Variants in DDX39A observed in about 807,000 individuals in gnomAD.
DDX39A encodes the protein DExD-box helicase 39A.
In DDX39A, 13 loss-of-function variants were observed where a neutral mutation model predicts 46.3. The observed-to-expected ratio is 0.28, with a 90% CI of 0.18 to 0.45. The LOEUF (loss-of-function observed/expected upper bound fraction) is 0.45, where lower values mean the gene tolerates loss of function less well. Ranked by LOEUF, DDX39A falls within the 20% of genes least tolerant of loss-of-function variation. The probability of loss-of-function intolerance (pLI) is 1.00; values close to 1 mark genes in which losing one functional copy is unlikely to be tolerated. For synonymous variants in DDX39A, 234 were observed against 224.6 expected (o/e 1.04, Z -0.38); for missense variants, 352 against 581.8 (o/e 0.61, Z 4.06).
Position 14,410,797 on chromosome 19 carries a change from G to T in DDX39A, c.613+192C>A. On this transcript the variant is annotated intron_variant, in intron 5 of 10. Transcript: ENST00000242776. The surrounding 1 kb of genome is among the most constrained non-coding windows in gnomAD (Gnocchi z 4.3). The stretch of plus-strand genomic sequence containing the variant: ...GTCCAGGAGGGACGGGGGCTTGCTT[G>T]GGCCCCGTGGTCCCATTCGGCTCGG... The T allele has an allele frequency of 1.8e-6, 1 of 567,322 alleles. No individual in the cohort carries two copies. The highest frequency in any genetic ancestry group is 3.1e-6 in the Non-Finnish European group (1 of 326,452). The allele number at this position is 567,322 out of a possible 1,614,324, so 35.1% of individuals were successfully genotyped here. A position where few individuals can be genotyped will look rare whatever the true frequency, so the allele number is the denominator to read the frequency against.
chr19:14,418,816 T>C, intron 1 of DDX39A: 2 of 421,294 alleles, frequency 4.7e-6, no homozygotes, highest in South Asian at 3.3e-5. Flanking sequence ...CCGTAAAAAG[T>C]AGACCAAGAA....
At position 14,410,012 on chromosome 19, in the gene DDX39A, CA is replaced by C; in HGVS notation, c.733-140del. The C allele has an allele frequency of 8.2e-7, 1 of 1,222,054 alleles. No homozygotes were observed. The highest frequency in any genetic ancestry group is 2.3e-5 in the East Asian group (1 of 42,934). 75.7% of individuals were successfully genotyped at this position (1,222,054 alleles called of 1,614,324 possible). Reference sequence around the variant, plus strand: ...GCACCAGACCTCAGTAAACATCGCTCAAAAGCTGGATGTAAGCTCTGGCCCG... The same window carrying C: ...GCACCAGACCTCAGTAAACATCGCTCAAAGCTGGATGTAAGCTCTGGCCCG... On this transcript the variant is annotated intron_variant, in intron 6 of 10. Coordinates refer to ENST00000242776, the MANE Select transcript of DDX39A (RefSeq NM_005804.4). The surrounding 1 kb of genome is among the most constrained non-coding windows in gnomAD (Gnocchi z 4.3).
chr19:14,410,615 A>AGACAGC lies in DDX39A; in HGVS notation c.614-287_614-282dup, dbSNP rs1323235689. On this transcript the variant is annotated intron_variant, in intron 5 of 10. Coordinates refer to ENST00000242776, the MANE Select transcript of DDX39A (RefSeq NM_005804.4). This position sits in a 1 kb window ranked among gnomAD's most constrained non-coding sequence, Gnocchi z 4.3. Reference sequence around the variant, plus strand: ...CTTCAGGGAGGGGAGCCTGAGGCAGAGACAGCCGCTGGGGTGAGAGCTGCA... The same window carrying AGACAGC: ...CTTCAGGGAGGGGAGCCTGAGGCAGAGACAGCGACAGCCGCTGGGGTGAGAGCTGCA... 1.9e-6 allele frequency: 1 copy of AGACAGC among 528,944 alleles called. No individual in the cohort carries two copies. The highest frequency in any genetic ancestry group is 1.9e-5 in the African/African-American group (1 of 52,342). The allele number at this position is 528,944 out of a possible 1,614,324, so 32.8% of individuals were successfully genotyped here. A position where few individuals can be genotyped will look rare whatever the true frequency, so the allele number is the denominator to read the frequency against.
In DDX39A at chr19:14,409,715, C is replaced by T. The variant is rs776396984; in HGVS notation, c.864+27G>A. Reference sequence around the variant, plus strand: ...CAGTGACCTCCCGAAGGTCCTGAGCCCCAGGACAGGCTGATGGAAGTATCA... The same window carrying T: ...CAGTGACCTCCCGAAGGTCCTGAGCTCCAGGACAGGCTGATGGAAGTATCA... On this transcript the variant is annotated intron_variant, in intron 7 of 10. Transcript: ENST00000242776. The surrounding 1 kb of genome is among the most constrained non-coding windows in gnomAD (Gnocchi z 8.3). The T allele has an allele frequency of 6.2e-7, 1 of 1,613,648 alleles. No individual in the cohort carries two copies. Among genetic ancestry groups the T allele is most frequent in the Non-Finnish European group, 8.5e-7 (1 of 1,179,626 alleles).
chr19:14,418,144 AAGAG>A (rs1352813035), intron 1 of DDX39A, among the ~76,000 whole-genome samples: 2 of 148,688 alleles, frequency 1.3e-5, no homozygotes, highest in Non-Finnish European at 3.0e-5. Context: ...AAAAAAAAAA[AAGAG>A]AGAGAGAGAT....
In DDX39A at chr19:14,412,544, C is replaced by G; in HGVS notation, c.336+7G>C. On this transcript the variant is annotated splice_region_variant and intron_variant, in intron 3 of 10. Coordinates refer to ENST00000242776, the MANE Select transcript of DDX39A (RefSeq NM_005804.4). This position sits in a 1 kb window ranked among gnomAD's most constrained non-coding sequence, Gnocchi z 4.4. ...GGGTGGGGCCAGGAAGGGAGGAGCC[C>G]ACCCACCTGTCCGTTGACAGGCTCA... is the stretch of plus-strand genomic sequence containing the variant. 6.2e-7 allele frequency: 1 copy of G among 1,605,304 alleles called. No individual in the cohort carries two copies. Among genetic ancestry groups the G allele is most frequent in the Non-Finnish European group, 8.5e-7 (1 of 1,179,210 alleles).
rs1976953050 is a variant in DDX39A, at chr19:14,419,303, A to T, written c.-38T>A. On this transcript the variant is annotated 5_prime_UTR_variant, in exon 1 of 11. Transcript: ENST00000242776. ...CCGTTCTTCTCCGCGCGCTGCTAAG[A>T]GACACTTCCAACTTCGGTTTTCCGC... The T allele has an allele frequency of 4.1e-6, 1 of 244,002 alleles. No homozygotes were observed. Among genetic ancestry groups the T allele is most frequent in the South Asian group, 3.5e-5 (1 of 28,854 alleles). 15.1% of individuals were successfully genotyped at this position (244,002 alleles called of 1,614,324 possible).
At position 14,412,038 on chromosome 19, in the gene DDX39A, G is replaced by A. The variant is rs1364757448; in HGVS notation, c.337-440C>T. 3.3e-5 allele frequency among the ~76,000 whole-genome samples: 5 copies of A among 152,146 alleles called. No homozygotes were observed. Among genetic ancestry groups the A allele is most frequent in the African/African-American group, 9.7e-5 (4 of 41,422 alleles). On this transcript the variant is annotated intron_variant, in intron 3 of 10. Transcript: ENST00000242776. The surrounding 1 kb of genome is among the most constrained non-coding windows in gnomAD (Gnocchi z 4.4). Reference sequence around the variant, plus strand: ...ATGTGCTCTGAGATAACGAGGGCACGGGCGCCAATATGAAGCCCAAAGATG... The same window carrying A: ...ATGTGCTCTGAGATAACGAGGGCACAGGCGCCAATATGAAGCCCAAAGATG...
At position 14,419,049 on chromosome 19, in the gene DDX39A, G is replaced by A. The variant is rs1384051772; in HGVS notation, c.-5+221C>T. On this transcript the variant is annotated intron_variant, in intron 1 of 10. Coordinates refer to ENST00000242776, the MANE Select transcript of DDX39A (RefSeq NM_005804.4). ...ACAGCCCCTCCGAGAAGCGGGCCCC[G>A]AGCCCCGAGCACCGCGCGCCAACGG... 3 of 449,312 alleles carry A rather than the reference G, an allele frequency of 6.7e-6. No homozygotes were observed. In the East Asian group the frequency reaches 2.1e-4, roughly 32 times the overall value. The allele number at this position is 449,312 out of a possible 1,614,324, so 27.8% of individuals were successfully genotyped here.
Position 14,410,853 on chromosome 19 carries a change from G to T in DDX39A, c.613+136C>A. Reference sequence around the variant, plus strand: ...GAAACAGCACATCCCTCTGCCAGCAGCAGAGCTTTCCCCAAGATCACCACA... The same window carrying T: ...GAAACAGCACATCCCTCTGCCAGCATCAGAGCTTTCCCCAAGATCACCACA... On this transcript the variant is annotated intron_variant, in intron 5 of 10. Coordinates refer to ENST00000242776, the MANE Select transcript of DDX39A (RefSeq NM_005804.4). This position sits in a 1 kb window ranked among gnomAD's most constrained non-coding sequence, Gnocchi z 4.3. The T allele has an allele frequency of 1.2e-6, 1 of 821,640 alleles. No individual in the cohort carries two copies. The highest frequency in any genetic ancestry group is 1.8e-6 in the Non-Finnish European group (1 of 551,632). The allele number at this position is 821,640 out of a possible 1,614,324, so 50.9% of individuals were successfully genotyped here. A position where few individuals can be genotyped will look rare whatever the true frequency, so the allele number is the denominator to read the frequency against.
At chr19:14,417,166 G>A (rs1422131708) in intron 1 of DDX39A, among the ~76,000 whole-genome samples, 1 of 152,132 alleles carries the variant, frequency 6.6e-6, no homozygotes, top group Non-Finnish European at 1.5e-5. Context: ...GGGGCGTGAG[G>A]TAAGGAAAGA....
In DDX39A at chr19:14,410,875, C is replaced by A; in HGVS notation, c.613+114G>T. 3 of 1,000,826 alleles carry A rather than the reference C, an allele frequency of 3.0e-6. No individual in the cohort carries two copies. Among genetic ancestry groups the A allele is most frequent in the Non-Finnish European group, 4.2e-6 (3 of 708,754 alleles). 62.0% of individuals were successfully genotyped at this position (1,000,826 alleles called of 1,614,324 possible). A position where few individuals can be genotyped will look rare whatever the true frequency, so the allele number is the denominator to read the frequency against. Reference sequence around the variant, plus strand: ...GCAGCAGAGCTTTCCCCAAGATCACCACAGGAGCCCCGCCTGCCGGCCGCC... The same window carrying A: ...GCAGCAGAGCTTTCCCCAAGATCACAACAGGAGCCCCGCCTGCCGGCCGCC... On this transcript the variant is annotated intron_variant, in intron 5 of 10. Coordinates refer to ENST00000242776, the MANE Select transcript of DDX39A (RefSeq NM_005804.4). The surrounding 1 kb of genome is among the most constrained non-coding windows in gnomAD (Gnocchi z 4.3).
rs753416021 is a variant in DDX39A, at chr19:14,410,938, G to A, written c.613+51C>T. 3 of 1,480,732 alleles carry A rather than the reference G, an allele frequency of 2.0e-6. No individual in the cohort carries two copies. Among genetic ancestry groups the A allele is most frequent in the South Asian group, 2.7e-5 (2 of 72,956 alleles). 91.7% of individuals were successfully genotyped at this position (1,480,732 alleles called of 1,614,324 possible). ...TCAAGAGCCTTCCGCCTGCTATGGG[G>A]CCCGCCTAGTCACTGACTCTCAGCT... On this transcript the variant is annotated intron_variant, in intron 5 of 10. Transcript: ENST00000242776. The surrounding 1 kb of genome is among the most constrained non-coding windows in gnomAD (Gnocchi z 4.3).
rs1262538383 is a variant in DDX39A at position 14,410,431 on chromosome 19, G to A, written c.614-97C>T. 1 of 1,074,808 alleles carries A rather than the reference G, an allele frequency of 9.3e-7. No individual in the cohort carries two copies. Among genetic ancestry groups the A allele is most frequent in the Non-Finnish European group, 1.4e-6 (1 of 705,682 alleles). 66.6% of individuals were successfully genotyped at this position (1,074,808 alleles called of 1,614,324 possible). A position where few individuals can be genotyped will look rare whatever the true frequency, so the allele number is the denominator to read the frequency against. On this transcript the variant is annotated intron_variant, in intron 5 of 10. Transcript: ENST00000242776. This position sits in a 1 kb window ranked among gnomAD's most constrained non-coding sequence, Gnocchi z 4.3. ...CAGACCCCTCCCAACCTGTGCCAGG[G>A]AGCCAGTGGCACCGTGACGAGGGCA...
Position 14,410,822 on chromosome 19 carries a change from G to T in DDX39A, c.613+167C>A. On this transcript the variant is annotated intron_variant, in intron 5 of 10. Coordinates refer to ENST00000242776, the MANE Select transcript of DDX39A (RefSeq NM_005804.4). The surrounding 1 kb of genome is among the most constrained non-coding windows in gnomAD (Gnocchi z 4.3). Reference sequence around the variant, plus strand: ...GGGCCCCGTGGTCCCATTCGGCTCGGGCTCAGAAACAGCACATCCCTCTGC... The same window carrying T: ...GGGCCCCGTGGTCCCATTCGGCTCGTGCTCAGAAACAGCACATCCCTCTGC... 1 of 661,086 alleles carries T rather than the reference G, an allele frequency of 1.5e-6. No individual in the cohort carries two copies. Among genetic ancestry groups the T allele is most frequent in the Non-Finnish European group, 2.4e-6 (1 of 409,428 alleles). 41.0% of individuals were successfully genotyped at this position (661,086 alleles called of 1,614,324 possible).
chr19:14,411,072 G>C lies in DDX39A; in HGVS notation c.530C>G (p.Ala177Gly). The change falls in exon 5 of 11, where the codon GCG (alanine) becomes GGG (glycine). Residue 177 changes from alanine to glycine, a missense_variant. Transcript: ENST00000242776. This position sits in a 1 kb window ranked among gnomAD's most constrained non-coding sequence, Gnocchi z 4.1. ...VVVGTPGRIL[A>G]LVRNRSFSLK... ...GCTGAAGCTCCTATTCCGCACGAGC[G>C]CCAGGATGCGGCCCGGGGTCCCCAC... 6.2e-7 allele frequency: 1 copy of C among 1,612,598 alleles called. No individual in the cohort carries two copies.
rs563055707 is a variant in DDX39A, at chr19:14,410,803, C to T, written c.613+186G>A. ...GAGGGACGGGGGCTTGCTTGGGCCC[C>T]GTGGTCCCATTCGGCTCGGGCTCAG... On this transcript the variant is annotated intron_variant, in intron 5 of 10. Coordinates refer to ENST00000242776, the MANE Select transcript of DDX39A (RefSeq NM_005804.4). The surrounding 1 kb of genome is among the most constrained non-coding windows in gnomAD (Gnocchi z 4.3). The T allele has an allele frequency of 5.1e-5, 30 of 583,808 alleles. No individual in the cohort carries two copies. The highest frequency in any genetic ancestry group is 4.3e-4 in the African/African-American group (23 of 53,478). 36.2% of individuals were successfully genotyped at this position (583,808 alleles called of 1,614,324 possible). A position where few individuals can be genotyped will look rare whatever the true frequency, so the allele number is the denominator to read the frequency against.
chr19:14,418,752 G>A lies in DDX39A; in HGVS notation c.-5+518C>T, dbSNP rs1477635863. Among the ~76,000 whole-genome samples, 1 of 152,088 alleles carries A rather than the reference G, an allele frequency of 6.6e-6. No homozygotes were observed. Among genetic ancestry groups the A allele is most frequent in the Non-Finnish European group, 1.5e-5 (1 of 68,018 alleles). Reference sequence around the variant, plus strand: ...GTACTGAGATTACAAGAGCCACCGCGCCCGGCCTTCCAAAATAAAGTCTTA... The same window carrying A: ...GTACTGAGATTACAAGAGCCACCGCACCCGGCCTTCCAAAATAAAGTCTTA... On this transcript the variant is annotated intron_variant, in intron 1 of 10. Coordinates refer to ENST00000242776, the MANE Select transcript of DDX39A (RefSeq NM_005804.4).
chr19:14,418,976 G>C (rs1263551361), intron 1 of DDX39A: 1 of 456,102 alleles, frequency 2.2e-6, no homozygotes, highest in Admixed American at 2.3e-5. Context: ...GGGTCTATTC[G>C]GACGAACTGA....
Sources: gnomAD v4.1 joint callset for allele counts (sites outside exome capture counted in the v4.1 genomes callset) on GRCh38, gnomAD v4.1.1 for gene constraint, Gnocchi (gnomAD v3.1) non-coding constraint, MANE v1.5 for transcripts, NCBI Gene and HGNC (gene_info 2026-07-23, HGNC 2026-07-21) for gene names.